The following RFX3 variants were observed in gnomAD, a reference collection of about 807,000 sequenced individuals.
RFX3 encodes the protein transcription factor RFX3.
RFX3 carries 14 observed loss-of-function variants against 98.6 expected under a neutral mutation model. The ratio of observed to expected loss-of-function variants is 0.14; its 90% CI spans 0.09 to 0.22. RFX3 has a LOEUF of 0.22. Ranked by LOEUF, RFX3 falls within the 10% of genes least tolerant of loss-of-function variation. The pLI, the probability that RFX3 is intolerant of heterozygous loss-of-function variation, is 1.00. For missense variants in RFX3, 639 were observed against 926.9 expected (o/e 0.69, Z 4.03); for synonymous variants, 383 against 328.4 (o/e 1.17, Z -1.80).
intron 7 of RFX3, among the ~76,000 whole-genome samples, chr9:3,278,537 T>G (rs916775826): frequency 1.3e-5 from 2 of 151,792 alleles, no homozygotes; most frequent in Non-Finnish European, 2.9e-5. Context: ...TTCAACTGCA[T>G]CATTAATATG....
intron 1 of RFX3, among the ~76,000 whole-genome samples, chr9:3,451,698 G>C (rs751021858): frequency 1.6e-4 from 24 of 152,122 alleles, no homozygotes; most frequent in East Asian, 1.9e-4. Flanking sequence ...CTTCCTTCCA[G>C]AGTAACCTGA....
chr9:3,429,780 G>A (rs574953290), intron 1 of RFX3, among the ~76,000 whole-genome samples: 107 of 152,164 alleles, frequency 7.0e-4, no homozygotes, highest in Non-Finnish European at 1.2e-3. Context: ...GTATCTTAGC[G>A]GCTGCTATAC....
At chr9:3,311,428 T>A (rs1287969975) in intron 4 of RFX3, among the ~76,000 whole-genome samples, 2 of 152,204 alleles carry the variant, frequency 1.3e-5, no homozygotes, top group Non-Finnish European at 2.9e-5. Flanking sequence ...CCTCCTGGTG[T>A]GTGTGAAGAG....
At chr9:3,307,943 A>G (rs1273824788) in intron 4 of RFX3, among the ~76,000 whole-genome samples, 1 of 152,066 alleles carries the variant, frequency 6.6e-6, no homozygotes, top group Non-Finnish European at 1.5e-5. Flanking sequence ...TTTTTTACTT[A>G]ATGGTACAGA....
At chr9:3,366,000 GGGCCCTGCT>G (rs1263071412) in intron 2 of RFX3, among the ~76,000 whole-genome samples, 1 of 151,872 alleles carries the variant, frequency 6.6e-6, no homozygotes, top group Non-Finnish European at 1.5e-5. Context: ...GTGGTGCAGC[GGGCCCTGCT>G]CCACACGCTC....
chr9:3,327,158 A>G (rs1025492384), intron 4 of RFX3, among the ~76,000 whole-genome samples: 7 of 152,122 alleles, frequency 4.6e-5, no homozygotes, highest in African/African-American at 1.7e-4. Context: ...AAAAATATAC[A>G]TAAACTCAAT....
intron 1 of RFX3, among the ~76,000 whole-genome samples, chr9:3,481,965 T>C (rs1156781608): frequency 6.6e-6 from 1 of 152,072 alleles, no homozygotes; most frequent in African/African-American, 2.4e-5. Flanking sequence ...GGTACAACCT[T>C]TCTAGAGAAC....
chr9:3,429,001 A>G (rs923386550), intron 1 of RFX3, among the ~76,000 whole-genome samples: 1 of 151,016 alleles, frequency 6.6e-6, no homozygotes, highest in Admixed American at 6.6e-5. Context: ...TCTTTAAAAC[A>G]TTTCTTTTTA....
intron 4 of RFX3, among the ~76,000 whole-genome samples, chr9:3,315,634 T>A (rs902587170): frequency 6.6e-6 from 1 of 151,908 alleles, no homozygotes; most frequent in African/African-American, 2.4e-5. Context: ...CTAGCAAGAC[T>A]AATAAAGAAG....
intron 4 of RFX3, among the ~76,000 whole-genome samples, chr9:3,304,058 G>A (rs1222704059): frequency 1.3e-5 from 2 of 152,002 alleles, no homozygotes; most frequent in Non-Finnish European, 1.5e-5. Context: ...CTACAAGGAA[G>A]ACACCAGCCT....
At chr9:3,317,757 G>C (rs1830795631) in intron 4 of RFX3, among the ~76,000 whole-genome samples, 2 of 152,128 alleles carry the variant, frequency 1.3e-5, no homozygotes, top group Admixed American at 6.6e-5. Flanking sequence ...GCAGCCAATA[G>C]ACACATGAAA....
At chr9:3,409,006 T>G (rs1222416759) in intron 1 of RFX3, among the ~76,000 whole-genome samples, 1 of 152,220 alleles carries the variant, frequency 6.6e-6, no homozygotes, top group Non-Finnish European at 1.5e-5. Flanking sequence ...CTGAATAAAA[T>G]AGTTTCAAAG....
intron 1 of RFX3, among the ~76,000 whole-genome samples, chr9:3,480,159 C>T (rs1034747986): frequency 6.6e-6 from 1 of 152,208 alleles, no homozygotes; most frequent in African/African-American, 2.4e-5. Context: ...GCAATCTGAG[C>T]AGGGCTCAAC....
chr9:3,452,861 T>C (rs1023400406), intron 1 of RFX3, among the ~76,000 whole-genome samples: 1 of 152,224 alleles, frequency 6.6e-6, no homozygotes. Flanking sequence ...CTCTTTTTAA[T>C]ATAGTACCAT....
intron 15 of RFX3, chr9:3,247,637 G>T: frequency 1.5e-6 from 2 of 1,357,748 alleles, no homozygotes; most frequent in Non-Finnish European, 1.9e-6. Flanking sequence ...TTTGTTCTTG[G>T]AGACCGGGAA....
intron 4 of RFX3, among the ~76,000 whole-genome samples, chr9:3,304,018 G>C (rs952406283): frequency 1.3e-5 from 2 of 151,962 alleles, no homozygotes; most frequent in South Asian, 4.1e-4. Context: ...TGGAATGATA[G>C]GACAAGCAAG....
chr9:3,387,468 G>C (rs1319460359), intron 2 of RFX3, among the ~76,000 whole-genome samples: 1 of 152,002 alleles, frequency 6.6e-6, no homozygotes, highest in African/African-American at 2.4e-5. Flanking sequence ...CAGTAGAGAT[G>C]GTCAACAAAA....
At chr9:3,236,014 T>C (rs1819106064) in intron 15 of RFX3, among the ~76,000 whole-genome samples, 1 of 152,190 alleles carries the variant, frequency 6.6e-6, no homozygotes, top group African/African-American at 2.4e-5. Context: ...ATGACTTTTT[T>C]TTTCTAGTAT....
intron 1 of RFX3, among the ~76,000 whole-genome samples, chr9:3,414,888 GTA>G (rs1039465940): frequency 1.1e-4 from 14 of 132,060 alleles, no homozygotes; most frequent in East Asian, 2.2e-4. Flanking sequence ...GTATATATAA[GTA>G]TATATATGAG....
Sources: gnomAD v4.1 joint callset for allele counts (sites outside exome capture counted in the v4.1 genomes callset) on GRCh38, gnomAD v4.1.1 for gene constraint, MANE v1.5 for transcripts, NCBI Gene and HGNC (gene_info 2026-07-23, HGNC 2026-07-21) for gene names.